DACH1: variants seen among roughly 807,000 people sequenced by gnomAD.
The protein encoded by DACH1 is dachshund homolog 1.
DACH1 carries 12 observed loss-of-function variants against 54.2 expected under a neutral mutation model. That is an observed-to-expected ratio of 0.22 (90% CI 0.14 to 0.36). The LOEUF (loss-of-function observed/expected upper bound fraction) is 0.36, where lower values mean the gene tolerates loss of function less well. Among genes scored for constraint, DACH1 ranks in the 10% least tolerant of loss-of-function variants. DACH1 has a pLI of 1.00. For missense variants in DACH1, 805 were observed against 929.8 expected, an observed-to-expected ratio of 0.87 and a Z score of 1.75; for synonymous variants, 386 against 366.2, an observed-to-expected ratio of 1.05 and a Z score of -0.62.
intron 10 of DACH1, among the ~76,000 whole-genome samples, chr13:71,454,973 G>T (rs1467455570): frequency 6.6e-6 from 1 of 152,198 alleles, no homozygotes; most frequent in Non-Finnish European, 1.5e-5. Flanking sequence ...GTGAGTTTTA[G>T]TGTGTTAGTA....
chr13:71,585,480 T>A lies in DACH1; in HGVS notation c.1127-12468A>T, dbSNP rs139617938. Among the ~76,000 whole-genome samples, 682 of 152,240 alleles carry A rather than the reference T, an allele frequency of 4.5e-3. 6 individuals carry two copies. Among genetic ancestry groups the A allele is most frequent in the Non-Finnish European group, 7.6e-3 (520 of 67,998 alleles). On this transcript the variant is annotated intron_variant, in intron 3 of 10. Coordinates refer to ENST00000613252, the MANE Select transcript of DACH1 (RefSeq NM_080759.6). ...TGGAAAAAGAGCTGAATTTGGAAGATGTTTGCAGGCCTTTTGGCCCCATGT... is the reference window on the plus strand; with the variant it reads ...TGGAAAAAGAGCTGAATTTGGAAGAAGTTTGCAGGCCTTTTGGCCCCATGT...
Position 71,866,800 on chromosome 13 carries a change from G to A in DACH1, c.-31C>T. The A allele has an allele frequency of 7.7e-7, 1 of 1,291,884 alleles. No individual in the cohort carries two copies. Among genetic ancestry groups the A allele is most frequent in the Non-Finnish European group, 9.9e-7 (1 of 1,010,864 alleles). The allele number at this position is 1,291,884 out of a possible 1,614,324, so 80.0% of individuals were successfully genotyped here. On this transcript the variant is annotated 5_prime_UTR_variant, in exon 1 of 11. Transcript: ENST00000613252. Reference sequence around the variant, plus strand: ...CATATAAGGGGAAACAGACGGAGGAGAAGCGAGAGGAAAAGTTGCCACACA... The same window carrying A: ...CATATAAGGGGAAACAGACGGAGGAAAAGCGAGAGGAAAAGTTGCCACACA...
chr13:71,738,867 T>C lies in DACH1; in HGVS notation c.849-56957A>G, dbSNP rs183746807. Among the ~76,000 whole-genome samples, 65 of 150,564 alleles carry C rather than the reference T, an allele frequency of 4.3e-4. 1 individual carries two copies. In the East Asian group the frequency reaches 8.6e-3, roughly 20 times the overall value. ...AGTTGCAGGTTACTTTAATGGGGAA[T>C]TGAGAAAGTTAATAAATTTTTATGG... On this transcript the variant is annotated intron_variant, in intron 1 of 10. Transcript: ENST00000613252.
Position 71,611,175 on chromosome 13 carries a change from G to A in DACH1, c.1126+19381C>T, listed in dbSNP as rs2138516433. Among the ~76,000 whole-genome samples the A allele has an allele frequency of 1.3e-5, 2 of 152,276 alleles. 1 individual carries two copies. Among genetic ancestry groups the A allele is most frequent in the South Asian group, 4.2e-4 (2 of 4,812 alleles). ...AATTCAGACTTTCTCTTCATCAAGGGAGAACACTGTCAAGTTCATGAGAGT... is the reference window on the plus strand; with the variant it reads ...AATTCAGACTTTCTCTTCATCAAGGAAGAACACTGTCAAGTTCATGAGAGT... On this transcript the variant is annotated intron_variant, in intron 3 of 10. Transcript: ENST00000613252.
At chr13:71,858,809 G>A (rs1186696774) in intron 1 of DACH1, among the ~76,000 whole-genome samples, 4 of 151,362 alleles carry the variant, frequency 2.6e-5, no homozygotes, top group Non-Finnish European at 5.9e-5. Context: ...AAAATGTAAT[G>A]TATTCCAGGT....
chr13:71,562,188 A>G (rs1884626661), intron 4 of DACH1, among the ~76,000 whole-genome samples: 1 of 152,180 alleles, frequency 6.6e-6, no homozygotes, highest in Non-Finnish European at 1.5e-5. Flanking sequence ...TGTTAGTATT[A>G]TACTAAAAAG....
chr13:71,748,213 G>A (rs369139237), intron 1 of DACH1, among the ~76,000 whole-genome samples: 1 of 151,912 alleles, frequency 6.6e-6, no homozygotes, highest in Non-Finnish European at 1.5e-5. Flanking sequence ...AATGTTGAGG[G>A]GGGGAAAGCA....
chr13:71,573,225 A>G (rs1885324698), intron 3 of DACH1, among the ~76,000 whole-genome samples: 2 of 152,270 alleles, frequency 1.3e-5, no homozygotes, highest in South Asian at 4.2e-4. Context: ...TGTGTTTAAT[A>G]CAAATGGTCA....
chr13:71,854,685 A>G (rs1873886423), intron 1 of DACH1, among the ~76,000 whole-genome samples: 1 of 152,122 alleles, frequency 6.6e-6, no homozygotes, highest in African/African-American at 2.4e-5. Flanking sequence ...TAAGACCAGC[A>G]CAATGATCTT....
intron 7 of DACH1, among the ~76,000 whole-genome samples, chr13:71,485,519 T>A (rs957883649): frequency 6.7e-6 from 1 of 149,006 alleles, no homozygotes; most frequent in African/African-American, 2.4e-5. Flanking sequence ...CATAGGATTT[T>A]TTTTACAGGT....
chr13:71,816,179 A>T (rs1887914912), intron 1 of DACH1, among the ~76,000 whole-genome samples: 1 of 152,202 alleles, frequency 6.6e-6, no homozygotes, highest in South Asian at 2.1e-4. Context: ...TAAACAATCA[A>T]AGAGGAAAAT....
intron 1 of DACH1, among the ~76,000 whole-genome samples, chr13:71,689,177 A>G (rs1273351862): frequency 6.6e-6 from 1 of 152,176 alleles, no homozygotes; most frequent in African/African-American, 2.4e-5. Flanking sequence ...ACCATGTTCT[A>G]TATGTCATAG....
intron 6 of DACH1, among the ~76,000 whole-genome samples, chr13:71,496,340 ATT>A (rs1879440403): frequency 7.0e-6 from 1 of 143,006 alleles, no homozygotes; most frequent in African/African-American, 2.6e-5. Context: ...ATATATATAT[ATT>A]GTGTATGTGT....
intron 5 of DACH1, among the ~76,000 whole-genome samples, chr13:71,557,948 T>C (rs1028424774): frequency 9.9e-5 from 15 of 151,360 alleles, no homozygotes; most frequent in African/African-American, 3.4e-4. Flanking sequence ...TGTGTGATCA[T>C]AGATTGGCTT....
intron 1 of DACH1, among the ~76,000 whole-genome samples, chr13:71,813,691 G>C (rs985606297): frequency 4.6e-5 from 7 of 152,002 alleles, no homozygotes; most frequent in African/African-American, 1.7e-4. Context: ...TGTTCACCTA[G>C]GCGAATATAT....
intron 4 of DACH1, among the ~76,000 whole-genome samples, chr13:71,570,453 A>T (rs1010161724): frequency 7.9e-5 from 12 of 152,192 alleles, no homozygotes; most frequent in African/African-American, 2.7e-4. Flanking sequence ...GATGTTGGCA[A>T]TAAAAACTAT....
At chr13:71,688,548 T>G (rs941501529) in intron 1 of DACH1, among the ~76,000 whole-genome samples, 2 of 152,212 alleles carry the variant, frequency 1.3e-5, no homozygotes, top group Non-Finnish European at 2.9e-5. Flanking sequence ...ACTTTTAGTG[T>G]TCTCTGTGTA....
intron 1 of DACH1, among the ~76,000 whole-genome samples, chr13:71,742,825 C>T (rs1884454572): frequency 1.3e-5 from 2 of 151,994 alleles, no homozygotes; most frequent in African/African-American, 4.8e-5. Flanking sequence ...CTTAAATAAG[C>T]AAAATCTGCC....
At chr13:71,465,919 T>C (rs1298015329) in intron 10 of DACH1, among the ~76,000 whole-genome samples, 1 of 152,204 alleles carries the variant, frequency 6.6e-6, no homozygotes, top group African/African-American at 2.4e-5. Flanking sequence ...GTTGTTACTA[T>C]AGTACCATAA....
Sources: gnomAD v4.1 joint callset for allele counts (sites outside exome capture counted in the v4.1 genomes callset) on GRCh38, gnomAD v4.1.1 for gene constraint, MANE v1.5 for transcripts, NCBI Gene and HGNC (gene_info 2026-07-23, HGNC 2026-07-21) for gene names.